The following LRRC4C variants were observed in gnomAD, a reference collection of about 807,000 sequenced individuals.
LRRC4C encodes leucine-rich repeat-containing protein 4C.
Under a neutral mutation model 33.6 loss-of-function variants are expected in LRRC4C, and 5 were observed. That is an observed-to-expected ratio of 0.15 (90% CI 0.08 to 0.31). The LOEUF is 0.31. LRRC4C is among the 10% of genes least tolerant of loss of function. The pLI is 1.00. For synonymous variants in LRRC4C, 329 were observed against 302.0 expected (o/e 1.09, Z -0.93); for missense variants, 560 against 796.7 (o/e 0.70, Z 3.58).
intron 2 of LRRC4C, among the ~76,000 whole-genome samples, chr11:40,873,313 A>G (rs1342155045): frequency 1.3e-5 from 2 of 152,178 alleles, no homozygotes; most frequent in African/African-American, 4.8e-5. Flanking sequence ...CTAGCACTCT[A>G]TAGGTGAGCT....
At chr11:40,497,161 T>C (rs1954506009) in intron 3 of LRRC4C, among the ~76,000 whole-genome samples, 1 of 152,080 alleles carries the variant, frequency 6.6e-6, no homozygotes, top group African/African-American at 2.4e-5. Context: ...ATCCCAGCAA[T>C]TTGGGAGGCA....
At chr11:40,820,540 T>A (rs1217173795) in intron 2 of LRRC4C, among the ~76,000 whole-genome samples, 1 of 151,918 alleles carries the variant, frequency 6.6e-6, no homozygotes, top group Non-Finnish European at 1.5e-5. Context: ...CAAGGTTATT[T>A]CAATCTTTGA....
intron 1 of LRRC4C, among the ~76,000 whole-genome samples, chr11:41,244,801 T>C (rs1007091613): frequency 3.3e-5 from 5 of 152,164 alleles, no homozygotes; most frequent in Non-Finnish European, 7.3e-5. Flanking sequence ...CTTTACTCGA[T>C]GAGTAAGACT....
chr11:41,025,100 C>T (rs533932109), intron 1 of LRRC4C, among the ~76,000 whole-genome samples: 50 of 151,550 alleles, frequency 3.3e-4, no homozygotes, highest in African/African-American at 1.2e-3. Flanking sequence ...TCTACTTGGA[C>T]CTCTCTATTC....
At chr11:40,622,182 T>C (rs1320612647) in intron 3 of LRRC4C, among the ~76,000 whole-genome samples, 2 of 151,962 alleles carry the variant, frequency 1.3e-5, no homozygotes, top group African/African-American at 4.8e-5. Context: ...ATTTCAAGCA[T>C]TTTTACATGC....
chr11:40,730,828 C>G (rs995160324), intron 2 of LRRC4C, among the ~76,000 whole-genome samples: 1 of 152,160 alleles, frequency 6.6e-6, no homozygotes, highest in Non-Finnish European at 1.5e-5. Flanking sequence ...TGAAGCCCAC[C>G]TTTTCTGCTT....
At chr11:40,709,054 T>G (rs1301750425) in intron 2 of LRRC4C, among the ~76,000 whole-genome samples, 3 of 152,160 alleles carry the variant, frequency 2.0e-5, no homozygotes, top group Non-Finnish European at 2.9e-5. Flanking sequence ...TTCCATTTGC[T>G]TGGTAGATTT....
chr11:40,143,307 A>G (rs1217230334), intron 5 of LRRC4C, among the ~76,000 whole-genome samples: 1 of 152,140 alleles, frequency 6.6e-6, no homozygotes, highest in Non-Finnish European at 1.5e-5. Context: ...AAGTCAGATC[A>G]TGTTCCTTCT....
chr11:41,453,387 C>T lies in LRRC4C; in HGVS notation c.-496+6044G>A, dbSNP rs566063996. On this transcript the variant is annotated intron_variant, in intron 1 of 6. Transcript: ENST00000528697. ...GTTCAGAGAAGCACCTTTCAGAGGC[C>T]CCTTAGAGATACTAACATCACATCT... is the stretch of plus-strand genomic sequence containing the variant. Among the ~76,000 whole-genome samples, 49 of 152,074 alleles carry T rather than the reference C, an allele frequency of 3.2e-4. No homozygotes were observed. In the South Asian group the frequency reaches 9.3e-3, roughly 29 times the overall value.
intron 3 of LRRC4C, among the ~76,000 whole-genome samples, chr11:40,373,044 T>C (rs1428385555): frequency 6.6e-6 from 1 of 152,210 alleles, no homozygotes; most frequent in African/African-American, 2.4e-5. Context: ...TAGTTCTTCC[T>C]ATGCATATTT....
At chr11:41,429,681 C>A (rs1232472705) in intron 1 of LRRC4C, among the ~76,000 whole-genome samples, 1 of 152,050 alleles carries the variant, frequency 6.6e-6, no homozygotes, top group African/African-American at 2.4e-5. Context: ...AAGAACATGG[C>A]CACTGCAGTG....
chr11:40,959,120 C>T (rs1320879472), intron 1 of LRRC4C, among the ~76,000 whole-genome samples: 1 of 151,526 alleles, frequency 6.6e-6, no homozygotes, highest in Non-Finnish European at 1.5e-5. Context: ...TTTAGATGTG[C>T]TCAATCATCA....
At chr11:40,830,710 A>G (rs1952375169) in intron 2 of LRRC4C, among the ~76,000 whole-genome samples, 1 of 152,054 alleles carries the variant, frequency 6.6e-6, no homozygotes. Flanking sequence ...CGTACACCAT[A>G]TGGGGCGGAT....
intron 1 of LRRC4C, among the ~76,000 whole-genome samples, chr11:41,401,090 T>C (rs1954008702): frequency 6.6e-6 from 1 of 151,870 alleles, no homozygotes; most frequent in African/African-American, 2.4e-5. Flanking sequence ...GTTGAAGATA[T>C]GTTTTAGAAG....
At chr11:41,213,010 C>T (rs1946887599) in intron 1 of LRRC4C, among the ~76,000 whole-genome samples, 1 of 152,130 alleles carries the variant, frequency 6.6e-6, no homozygotes, top group African/African-American at 2.4e-5. Context: ...GTTTCCTTCT[C>T]TGTGTAATAA....
At chr11:40,597,514 G>A (rs1217765913) in intron 3 of LRRC4C, among the ~76,000 whole-genome samples, 1 of 151,998 alleles carries the variant, frequency 6.6e-6, no homozygotes, top group Non-Finnish European at 1.5e-5. Flanking sequence ...TCATTTTTAA[G>A]CCACAAATAT....
At chr11:41,279,369 TACACACACACAAACAC>T (rs1476126071) in intron 1 of LRRC4C, among the ~76,000 whole-genome samples, 141 of 85,014 alleles carry the variant, frequency 1.7e-3, no homozygotes, top group African/African-American at 5.0e-3. Context: ...TCCCATCACA[TACACACACACAAACAC>T]ACACACACAC....
At chr11:40,187,583 A>T (rs1033859152) in intron 5 of LRRC4C, among the ~76,000 whole-genome samples, 1 of 151,916 alleles carries the variant, frequency 6.6e-6, no homozygotes, top group African/African-American at 2.4e-5. Flanking sequence ...ACTGAGAAAG[A>T]CCCTGAAGAT....
chr11:40,424,388 A>G (rs182493890), intron 3 of LRRC4C, among the ~76,000 whole-genome samples: 14 of 152,302 alleles, frequency 9.2e-5, no homozygotes, highest in African/African-American at 3.4e-4. Context: ...CCTCTTCTCT[A>G]AAAAGAAAAC....
Sources: allele counts gnomAD v4.1 joint callset (sites outside exome capture counted in the v4.1 genomes callset), GRCh38; gene constraint gnomAD v4.1.1; transcripts MANE v1.5; gene names NCBI Gene and HGNC (gene_info 2026-07-23, HGNC 2026-07-21).